SLC41A2: variants seen among roughly 807,000 people sequenced by gnomAD.
The protein encoded by SLC41A2 is SLC41A1-like 1.
SLC41A2 carries 32 observed loss-of-function variants against 58.3 expected under a neutral mutation model. That is an observed-to-expected ratio of 0.55 (90% CI 0.41 to 0.74). SLC41A2 has a LOEUF of 0.74. Ranked by LOEUF, SLC41A2 falls within the 30% of genes least tolerant of loss-of-function variation. The pLI, the probability that SLC41A2 is intolerant of heterozygous loss-of-function variation, is 0.00. For missense variants in SLC41A2, 514 were observed against 680.6 expected (o/e 0.76, Z 2.72); for synonymous variants, 190 against 235.0 (o/e 0.81, Z 1.75).
At chr12:104,883,625 G>A (rs759063846) in intron 6 of SLC41A2, among the ~76,000 whole-genome samples, 159 of 152,318 alleles carry the variant, frequency 1.0e-3, no homozygotes, top group Admixed American at 2.8e-3. Flanking sequence ...TCCAGACCCT[G>A]TTTTCCTGGG....
In SLC41A2 at chr12:104,892,327, A is replaced by AAATAAAT. The variant is rs1435965009; in HGVS notation, c.735+2946_735+2947insATTTATT. On this transcript the variant is annotated intron_variant, in intron 4 of 10. Coordinates refer to ENST00000258538, the MANE Select transcript of SLC41A2 (RefSeq NM_001352171.3). ...AAAATAAAATAAAATAAAATAAAAT[A>AAATAAAT]AAATAAAATATTGATGCAAGAAATT... is the stretch of plus-strand genomic sequence containing the variant. Among the ~76,000 whole-genome samples the AAATAAAT allele has an allele frequency of 4.8e-5, 7 of 145,870 alleles. No homozygotes were observed. The East Asian group carries it at 7.9e-4, about 17-fold the overall frequency.
intron 3 of SLC41A2, among the ~76,000 whole-genome samples, chr12:104,906,329 G>A (rs2045848305): frequency 6.6e-6 from 1 of 152,174 alleles, no homozygotes; most frequent in Non-Finnish European, 1.5e-5. Context: ...CCACCATTAG[G>A]TGCCAATGAA....
chr12:104,849,118 T>C (rs562676606), intron 8 of SLC41A2, among the ~76,000 whole-genome samples: 1 of 152,164 alleles, frequency 6.6e-6, no homozygotes, highest in Non-Finnish European at 1.5e-5. Flanking sequence ...TTTTGCAAGA[T>C]GATAACGAAT....
rs576554159 is a variant in SLC41A2, at chr12:104,899,239, C to T, written c.664-3894G>A. On this transcript the variant is annotated intron_variant, in intron 3 of 10. Transcript: ENST00000258538. ...TCTTTGAACATATTCATACTAGTGG[C>T]TTTAAAGACTTTATTCAATCTAATA... is the stretch of plus-strand genomic sequence containing the variant. Among the ~76,000 whole-genome samples the T allele has an allele frequency of 3.3e-5, 5 of 152,236 alleles. No homozygotes were observed. In the East Asian group the frequency reaches 9.7e-4, roughly 29 times the overall value.
intron 10 of SLC41A2, among the ~76,000 whole-genome samples, chr12:104,841,194 A>G (rs1262576595): frequency 6.6e-6 from 1 of 152,146 alleles, no homozygotes; most frequent in African/African-American, 2.4e-5. Context: ...GTAAAACCTT[A>G]CAATTTTAAC....
intron 8 of SLC41A2, among the ~76,000 whole-genome samples, chr12:104,852,816 T>G (rs2042850890): frequency 1.3e-5 from 2 of 152,192 alleles, no homozygotes; most frequent in African/African-American, 2.4e-5. Context: ...TATAACAAAA[T>G]TATTACCTTA....
chr12:104,916,527 G>C (rs1223397478), intron 2 of SLC41A2, among the ~76,000 whole-genome samples: 1 of 152,168 alleles, frequency 6.6e-6, no homozygotes, highest in East Asian at 1.9e-4. Flanking sequence ...TCAATCCTAA[G>C]CCAAAAGAAC....
intron 10 of SLC41A2, among the ~76,000 whole-genome samples, chr12:104,822,805 A>G (rs2041689632): frequency 6.6e-6 from 1 of 152,106 alleles, no homozygotes. Flanking sequence ...TTTTAATTGC[A>G]GGTAAAAAAA....
chr12:104,875,801 A>C (rs1329792297), intron 6 of SLC41A2, among the ~76,000 whole-genome samples: 1 of 152,166 alleles, frequency 6.6e-6, no homozygotes, highest in African/African-American at 2.4e-5. Flanking sequence ...CTCTGAAAAT[A>C]AAACTAAAAA....
intron 1 of SLC41A2, among the ~76,000 whole-genome samples, chr12:104,934,466 C>T (rs2047185539): frequency 6.6e-6 from 1 of 151,682 alleles, no homozygotes. Context: ...CTACTTAATT[C>T]CTTAATGGCC....
At chr12:104,874,250 A>G (rs999847075) in intron 6 of SLC41A2, among the ~76,000 whole-genome samples, 2 of 151,054 alleles carry the variant, frequency 1.3e-5, no homozygotes, top group African/African-American at 4.9e-5. Context: ...ATTTTTTTGT[A>G]TTTTTAGTAA....
chr12:104,876,225 T>G (rs1400144677), intron 6 of SLC41A2, among the ~76,000 whole-genome samples: 2 of 152,150 alleles, frequency 1.3e-5, no homozygotes, highest in Non-Finnish European at 2.9e-5. Flanking sequence ...CTAAGTTTTG[T>G]TAATGTATTT....
intron 6 of SLC41A2, among the ~76,000 whole-genome samples, chr12:104,881,615 A>C (rs2044374303): frequency 6.6e-6 from 1 of 152,132 alleles, no homozygotes; most frequent in Non-Finnish European, 1.5e-5. Context: ...GTTTCCATGT[A>C]GTTGTGCGGT....
intron 10 of SLC41A2, among the ~76,000 whole-genome samples, chr12:104,808,411 T>A (rs1322923171): frequency 2.0e-5 from 3 of 152,242 alleles, no homozygotes; most frequent in Non-Finnish European, 4.4e-5. Flanking sequence ...ATCCCAGGGA[T>A]GAAGCCCACT....
intron 2 of SLC41A2, among the ~76,000 whole-genome samples, chr12:104,924,674 T>C (rs550609522): frequency 2.0e-5 from 3 of 151,752 alleles, no homozygotes; most frequent in East Asian, 3.9e-4. Flanking sequence ...AACCTGGGAG[T>C]TGGAGGTTGC....
chr12:104,931,145 A>G (rs2047036218), intron 1 of SLC41A2, among the ~76,000 whole-genome samples: 1 of 152,268 alleles, frequency 6.6e-6, no homozygotes, highest in Admixed American at 6.5e-5. Context: ...CATGCAGTGC[A>G]GAATCTGCAT....
rs558852735 is a variant in SLC41A2, at chr12:104,916,794, C to T, written c.556-7032G>A. On this transcript the variant is annotated intron_variant, in intron 2 of 10. Coordinates refer to ENST00000258538, the MANE Select transcript of SLC41A2 (RefSeq NM_001352171.3). The stretch of plus-strand genomic sequence containing the variant: ...ATATGTAGAAAGCTAAAACTGGATC[C>T]CTTCCTTACACCTTATACAAAAATT... 3.3e-5 allele frequency among the ~76,000 whole-genome samples: 5 copies of T among 152,190 alleles called. No individual in the cohort carries two copies. In the South Asian group the frequency reaches 1.0e-3, roughly 32 times the overall value.
intron 2 of SLC41A2, among the ~76,000 whole-genome samples, chr12:104,926,079 C>A (rs2046824319): frequency 6.6e-6 from 1 of 152,092 alleles, no homozygotes; most frequent in African/African-American, 2.4e-5. Context: ...AAAAATGTTA[C>A]CTCTTGAATA....
intron 1 of SLC41A2, among the ~76,000 whole-genome samples, chr12:104,950,436 T>G (rs1170315636): frequency 1.3e-5 from 2 of 152,208 alleles, no homozygotes; most frequent in Non-Finnish European, 2.9e-5. Flanking sequence ...CCCTTCGCCT[T>G]CCGCCATGAC....
Sources: gnomAD v4.1 joint callset for allele counts (sites outside exome capture counted in the v4.1 genomes callset) on GRCh38, gnomAD v4.1.1 for gene constraint, MANE v1.5 for transcripts, NCBI Gene and HGNC (gene_info 2026-07-23, HGNC 2026-07-21) for gene names.